MYL12B: variants seen among roughly 807,000 people sequenced by gnomAD.
MYL12B encodes the protein myosin regulatory light chain 12B.
A neutral mutation model predicts 12.9 loss-of-function variants in MYL12B; 3 were observed. That is an observed-to-expected ratio of 0.23 (90% CI 0.11 to 0.60). The LOEUF (loss-of-function observed/expected upper bound fraction) is 0.60, where lower values mean the gene tolerates loss of function less well. MYL12B is among the 20% of genes least tolerant of loss of function. MYL12B has a pLI of 0.89. For synonymous variants in MYL12B, 57 were observed against 71.9 expected (o/e 0.79, Z 1.05); for missense variants, 120 against 215.4 (o/e 0.56, Z 2.77).
intron 1 of MYL12B, among the ~76,000 whole-genome samples, chr18:3,269,943 G>A (rs1445351112): frequency 6.6e-6 from 1 of 152,184 alleles, no homozygotes; most frequent in Non-Finnish European, 1.5e-5. Context: ...TTTCCACCTG[G>A]GAAAGTTCAT....
chr18:3,274,064 ATTG>A (rs2081707548), intron 2 of MYL12B, among the ~76,000 whole-genome samples: 1 of 152,184 alleles, frequency 6.6e-6, no homozygotes, highest in South Asian at 2.1e-4. Flanking sequence ...ATATTCACTG[ATTG>A]TTAACATTTT....
intron 1 of MYL12B, among the ~76,000 whole-genome samples, chr18:3,270,203 A>T (rs747515552): frequency 2.8e-4 from 42 of 152,194 alleles, no homozygotes; most frequent in Non-Finnish European, 2.2e-4. Context: ...TGGGGGCCAG[A>T]GTTCCCTTCA....
At chr18:3,265,424 A>G (rs2081627491) in intron 1 of MYL12B, among the ~76,000 whole-genome samples, 1 of 152,210 alleles carries the variant, frequency 6.6e-6, no homozygotes, top group Non-Finnish European at 1.5e-5. Flanking sequence ...ACCTTGGTGA[A>G]GATGAGGTGG....
At chr18:3,268,105 T>G (rs2081648399) in intron 1 of MYL12B, among the ~76,000 whole-genome samples, 1 of 152,260 alleles carries the variant, frequency 6.6e-6, no homozygotes, top group Admixed American at 6.5e-5. Flanking sequence ...GGTTGGGTAC[T>G]ATCCCTGGTT....
chr18:3,264,955 T>G lies in MYL12B; in HGVS notation c.-16+2718T>G, dbSNP rs78619766. On this transcript the variant is annotated intron_variant, in intron 1 of 3. Coordinates refer to ENST00000237500, the MANE Select transcript of MYL12B (RefSeq NM_033546.4). ...GTTTGTACATTTGACTATATAAATT[T>G]CACTGCAGTAAAACAAAATGATATA... 3.1e-3 allele frequency among the ~76,000 whole-genome samples: 472 copies of G among 152,302 alleles called. 17 individuals carry two copies. The East Asian group carries it at 0.078, about 25-fold the overall frequency.
intron 1 of MYL12B, among the ~76,000 whole-genome samples, chr18:3,271,590 T>G: frequency 6.6e-6 from 1 of 152,110 alleles, no homozygotes; most frequent in East Asian, 1.9e-4. Flanking sequence ...CAGTTTCAAG[T>G]TTGGATGTCC....
At chr18:3,275,445 ACT>A (rs2081721658) in intron 2 of MYL12B, among the ~76,000 whole-genome samples, 1 of 152,156 alleles carries the variant, frequency 6.6e-6, no homozygotes, top group South Asian at 2.1e-4. Flanking sequence ...TTTTAAAATA[ACT>A]CAGTATAGTT....
chr18:3,272,866 G>T lies in MYL12B; in HGVS notation c.-15-18G>T. On this transcript the variant is annotated intron_variant, in intron 1 of 3. Transcript: ENST00000237500. ...ACATTGTTTTGTTTTACGTTTTTGT[G>T]TTTTTTTTTTAATCCAGAATTAAAC... 9 of 1,515,090 alleles carry T rather than the reference G, an allele frequency of 5.9e-6. No individual in the cohort carries two copies. Among genetic ancestry groups the T allele is most frequent in the East Asian group, 2.3e-5 (1 of 43,220 alleles). 93.9% of individuals were successfully genotyped at this position (1,515,090 alleles called of 1,614,324 possible).
chr18:3,275,748 T>C (rs1430623386), intron 2 of MYL12B, among the ~76,000 whole-genome samples: 1 of 151,888 alleles, frequency 6.6e-6, no homozygotes, highest in African/African-American at 2.4e-5. Flanking sequence ...TAGCGTTCTC[T>C]TCACACCTTT....
chr18:3,267,560 C>G (rs550839744), intron 1 of MYL12B, among the ~76,000 whole-genome samples: 49 of 152,226 alleles, frequency 3.2e-4, no homozygotes, highest in African/African-American at 1.1e-3. Context: ...TTTCCACGGT[C>G]CATGGTTTTG....
chr18:3,272,828 T>C (rs2081692222), intron 1 of MYL12B, 56 bp from the exon 2 acceptor site: 1 of 1,412,590 alleles, frequency 7.1e-7, no homozygotes. Flanking sequence ...ATTCTGTTTT[T>C]GCTTTGTTTT....
chr18:3,264,236 T>C (rs2081618821), intron 1 of MYL12B, among the ~76,000 whole-genome samples: 1 of 152,140 alleles, frequency 6.6e-6, no homozygotes, highest in African/African-American at 2.4e-5. Context: ...GTAATTCTGT[T>C]TGTGACAGGA....
At chr18:3,263,685 T>G (rs1266004858) in intron 1 of MYL12B, among the ~76,000 whole-genome samples, 17 of 152,234 alleles carry the variant, frequency 1.1e-4, no homozygotes, top group Non-Finnish European at 1.0e-4. Context: ...CAGGTATATC[T>G]GGGGATGAGT....
At chr18:3,264,455 A>G (rs559985554) in intron 1 of MYL12B, among the ~76,000 whole-genome samples, 1 of 152,286 alleles carries the variant, frequency 6.6e-6, no homozygotes, top group East Asian at 1.9e-4. Context: ...TGTAATCCTA[A>G]TGCTTTGAGA....
chr18:3,277,647 C>T, intron 3 of MYL12B, 118 bp from the exon 4 acceptor site: 2 of 1,345,014 alleles, frequency 1.5e-6, no homozygotes, highest in Non-Finnish European at 2.0e-6. Context: ...CACTAACTTA[C>T]TTTGTTTATA....
Position 3,277,848 on chromosome 18 carries a change from A to G in MYL12B, c.430A>G (p.Arg144Gly). 6.2e-7 allele frequency: 1 copy of G among 1,614,134 alleles called. No homozygotes were observed. Among genetic ancestry groups the G allele is most frequent in the Non-Finnish European group, 8.5e-7 (1 of 1,180,004 alleles). ...FTDEEVDELY[R>G]EAPIDKKGNF... The stretch of plus-strand genomic sequence containing the variant: ...AGATGAGGAAGTGGATGAGCTGTAC[A>G]GAGAAGCACCTATTGACAAAAAGGG... The change falls in exon 4 of 4, where the codon AGA becomes GGA. Residue 144 changes from arginine (R) to glycine (G), a missense_variant. Transcript: ENST00000237500.
intron 1 of MYL12B, among the ~76,000 whole-genome samples, chr18:3,266,827 A>G (rs1464000086): frequency 2.0e-5 from 3 of 152,234 alleles, no homozygotes; most frequent in South Asian, 2.1e-4. Context: ...TGCAGACTGC[A>G]TGTAGTTTGG....
chr18:3,277,977 T>G lies in MYL12B; in HGVS notation c.*40T>G. On this transcript the variant is annotated 3_prime_UTR_variant, in exon 4 of 4. Coordinates refer to ENST00000237500, the MANE Select transcript of MYL12B (RefSeq NM_033546.4). ...AAATCTTCCAGTTACATTGTCTTAC[T>G]CTCTTTTACTTCTCAGACACTTCCC... 1.3e-6 allele frequency: 2 copies of G among 1,595,410 alleles called. No individual in the cohort carries two copies. Among genetic ancestry groups the G allele is most frequent in the Non-Finnish European group, 1.7e-6 (2 of 1,170,114 alleles).
chr18:3,272,808 G>A, intron 1 of MYL12B, 76 bp from the exon 2 acceptor site: 4 of 1,277,750 alleles, frequency 3.1e-6, no homozygotes, highest in East Asian at 4.9e-5. Context: ...ACAGACTTTA[G>A]GTATTATGTA....
Sources: allele counts gnomAD v4.1 joint callset (sites outside exome capture counted in the v4.1 genomes callset), GRCh38; gene constraint gnomAD v4.1.1; transcripts MANE v1.5; gene names NCBI Gene and HGNC (gene_info 2026-07-23, HGNC 2026-07-21).